The following FNIP1 variants were observed in gnomAD, a reference collection of about 807,000 sequenced individuals.
FNIP1 encodes folliculin-interacting protein 1.
FNIP1 carries 40 observed loss-of-function variants against 124.5 expected under a neutral mutation model. That is an observed-to-expected ratio of 0.32 (90% CI 0.25 to 0.42). FNIP1 has a LOEUF of 0.42. Ranked by LOEUF, FNIP1 falls within the 10% of genes least tolerant of loss-of-function variation. The pLI, the probability that FNIP1 is intolerant of heterozygous loss-of-function variation, is 1.00. For missense variants in FNIP1, 1,176 were observed against 1,403.7 expected (o/e 0.84, Z 2.59); for synonymous variants, 472 against 470.6 (o/e 1.00, Z -0.04).
intron 10 of FNIP1, among the ~76,000 whole-genome samples, chr5:131,702,419 T>C (rs1467557846): frequency 6.6e-6 from 1 of 152,082 alleles, no homozygotes; most frequent in African/African-American, 2.4e-5. Context: ...GGCATATAAT[T>C]TGAAAAATGT....
intron 3 of FNIP1, among the ~76,000 whole-genome samples, chr5:131,723,392 A>G (rs999571675): frequency 5.9e-5 from 9 of 152,334 alleles, no homozygotes; most frequent in Non-Finnish European, 1.2e-4. Flanking sequence ...ATCCCCAGAA[A>G]GCAAAATACA....
At chr5:131,782,874 G>A (rs1271255793) in intron 1 of FNIP1, among the ~76,000 whole-genome samples, 1 of 152,228 alleles carries the variant, frequency 6.6e-6, no homozygotes, top group African/African-American at 2.4e-5. Context: ...TGTTGGCCAG[G>A]CTAGTCTCAA....
chr5:131,724,803 A>G (rs1769801466), intron 3 of FNIP1, among the ~76,000 whole-genome samples: 1 of 152,152 alleles, frequency 6.6e-6, no homozygotes, highest in Non-Finnish European at 1.5e-5. Context: ...GGTATTGCAT[A>G]GGTTTTCTTC....
rs1164804787 is a variant in FNIP1 at position 131,716,670 on chromosome 5, G to C, written c.531-14C>G. On this transcript the variant is annotated splice_polypyrimidine_tract_variant and intron_variant, in intron 5 of 17. Transcript: ENST00000510461. ...CTATCTTGTAGCCTATGGAGGGTGAGAAGAAAATTAATTCCAAATTCATTT... is the reference window on the plus strand; with the variant it reads ...CTATCTTGTAGCCTATGGAGGGTGACAAGAAAATTAATTCCAAATTCATTT... The C allele has an allele frequency of 6.7e-7, 1 of 1,494,480 alleles. No individual in the cohort carries two copies. Among genetic ancestry groups the C allele is most frequent in the African/African-American group, 1.4e-5 (1 of 71,016 alleles). 92.6% of individuals were successfully genotyped at this position (1,494,480 alleles called of 1,614,324 possible). A position where few individuals can be genotyped will look rare whatever the true frequency, so the allele number is the denominator to read the frequency against.
At chr5:131,769,266 A>T (rs542463365) in intron 1 of FNIP1, among the ~76,000 whole-genome samples, 50 of 152,338 alleles carry the variant, frequency 3.3e-4, no homozygotes, top group African/African-American at 1.2e-3. Flanking sequence ...CATTTTCAAG[A>T]AGTCATTCTA....
At chr5:131,704,587 A>G (rs1159702240) in intron 9 of FNIP1, among the ~76,000 whole-genome samples, 1 of 152,170 alleles carries the variant, frequency 6.6e-6, no homozygotes, top group African/African-American at 2.4e-5. Flanking sequence ...GTCTGGTACA[A>G]TCTTTTCCCT....
chr5:131,793,074 C>G (rs1217052194), intron 1 of FNIP1, among the ~76,000 whole-genome samples: 3 of 152,150 alleles, frequency 2.0e-5, no homozygotes, highest in African/African-American at 7.2e-5. Flanking sequence ...GTTGCCCAGG[C>G]TAGACTAGTG....
At chr5:131,663,425 T>C (rs1767506287) in intron 15 of FNIP1, among the ~76,000 whole-genome samples, 1 of 152,332 alleles carries the variant, frequency 6.6e-6, no homozygotes, top group East Asian at 1.9e-4. Context: ...TCCAATTAAT[T>C]GGCTTAAAGA....
chr5:131,770,389 A>G (rs185484300), intron 1 of FNIP1, among the ~76,000 whole-genome samples: 2 of 152,348 alleles, frequency 1.3e-5, no homozygotes, highest in East Asian at 3.9e-4. Context: ...ATGCTTTACA[A>G]GCACTGTCTT....
intron 1 of FNIP1, among the ~76,000 whole-genome samples, chr5:131,790,155 G>A (rs1355265557): frequency 1.3e-5 from 2 of 152,136 alleles, no homozygotes; most frequent in Admixed American, 6.6e-5. Flanking sequence ...ACAACAATGT[G>A]AACTTGGGGG....
intron 11 of FNIP1, among the ~76,000 whole-genome samples, chr5:131,693,021 T>TA (rs973665614): frequency 1.2e-4 from 18 of 144,990 alleles, no homozygotes; most frequent in Non-Finnish European, 1.2e-4. Context: ...AAAATAAATT[T>TA]AAAAAAAAAA....
Position 131,704,188 on chromosome 5 carries a change from T to C in FNIP1, c.993A>G (p.Ala331=). 6.2e-7 allele frequency: 1 copy of C among 1,613,576 alleles called. No homozygotes were observed. The highest frequency in any genetic ancestry group is 8.5e-7 in the Non-Finnish European group (1 of 1,179,596). The change falls in exon 10 of 18, where the codon GCA becomes GCG. Residue 331 remains alanine (A), a synonymous_variant. Coordinates refer to ENST00000510461, the MANE Select transcript of FNIP1 (RefSeq NM_133372.3). ...NPGIVRKKKI[A]IGVIFSLSKD... The stretch of plus-strand genomic sequence containing the variant: ...TGGACAATGAAAAGATTACCCCAAT[T>C]GCAATCTTCTTTTTCCGCACAATTC...
At chr5:131,690,154 C>T (rs1007936828) in intron 11 of FNIP1, among the ~76,000 whole-genome samples, 59 of 152,004 alleles carry the variant, frequency 3.9e-4, no homozygotes, top group African/African-American at 1.2e-3. Context: ...ACCCGGGAGG[C>T]GGAGCTTGCA....
At chr5:131,685,400 T>C (rs906602230) in intron 11 of FNIP1, among the ~76,000 whole-genome samples, 2 of 151,770 alleles carry the variant, frequency 1.3e-5, no homozygotes, top group Non-Finnish European at 2.9e-5. Context: ...ATTTCTTTTA[T>C]ATTACTGGCA....
intron 1 of FNIP1, among the ~76,000 whole-genome samples, chr5:131,779,025 T>G (rs1439683787): frequency 8.3e-6 from 1 of 120,492 alleles, no homozygotes; most frequent in Non-Finnish European, 1.7e-5. Flanking sequence ...AGGGATAGCA[T>G]TGGGAGATAT....
intron 6 of FNIP1, among the ~76,000 whole-genome samples, chr5:131,714,336 T>G (rs978998586): frequency 2.6e-5 from 4 of 152,296 alleles, no homozygotes; most frequent in African/African-American, 9.6e-5. Context: ...CTCTCAGCCT[T>G]TCCCAGCATT....
At chr5:131,719,463 A>C (rs1769583358) in intron 3 of FNIP1, 46 bp from the exon 4 acceptor site, 4 of 1,509,198 alleles carry the variant, frequency 2.7e-6, no homozygotes, top group Non-Finnish European at 3.6e-6. Flanking sequence ...TTAAAAGCTT[A>C]TGACTATTTC....
intron 1 of FNIP1, among the ~76,000 whole-genome samples, chr5:131,761,809 A>G (rs1333470145): frequency 1.3e-5 from 2 of 152,232 alleles, no homozygotes; most frequent in Non-Finnish European, 2.9e-5. Context: ...AGCCAAAGCT[A>G]ACCTAAGCAA....
At position 131,766,240 on chromosome 5, in the gene FNIP1, C is replaced by T. The variant is rs142298544; in HGVS notation, c.93-21550G>A. On this transcript the variant is annotated intron_variant, in intron 1 of 17. Transcript: ENST00000510461. ...AGTGAGGACTACAGAAAGGGTCTTGCTATGTGGCCCAGGCTGGTCTCAAAC... is the reference window on the plus strand; with the variant it reads ...AGTGAGGACTACAGAAAGGGTCTTGTTATGTGGCCCAGGCTGGTCTCAAAC... 3.3e-5 allele frequency among the ~76,000 whole-genome samples: 5 copies of T among 152,132 alleles called. No homozygotes were observed. The East Asian group carries it at 9.7e-4, about 29-fold the overall frequency.
Sources: allele counts gnomAD v4.1 joint callset (sites outside exome capture counted in the v4.1 genomes callset), GRCh38; gene constraint gnomAD v4.1.1; transcripts MANE v1.5; gene names NCBI Gene and HGNC (gene_info 2026-07-23, HGNC 2026-07-21).